Variants in MDFIC observed in about 807,000 individuals in gnomAD.
MDFIC encodes myoD family inhibitor domain-containing protein.
In MDFIC, 17 loss-of-function variants were observed where a neutral mutation model predicts 23.2. That is an observed-to-expected ratio of 0.73 (90% CI 0.50 to 1.10). MDFIC has a LOEUF of 1.10. MDFIC is among the 50% of genes least tolerant of loss of function. MDFIC has a pLI of 0.00. For synonymous variants in MDFIC, 120 were observed against 115.2 expected, an observed-to-expected ratio of 1.04 and a Z score of -0.27; for missense variants, 356 against 316.6, an observed-to-expected ratio of 1.12 and a Z score of -0.95.
At chr7:114,987,188 A>G (rs1022613433) in intron 4 of MDFIC, among the ~76,000 whole-genome samples, 8 of 152,230 alleles carry the variant, frequency 5.3e-5, no homozygotes, top group Non-Finnish European at 8.8e-5. Flanking sequence ...GGTTTCAAAC[A>G]ACTACATATT....
chr7:114,945,994 AG>A (rs1792636398), intron 3 of MDFIC, among the ~76,000 whole-genome samples: 1 of 152,196 alleles, frequency 6.6e-6, no homozygotes, highest in Admixed American at 6.5e-5. Context: ...GTATAATTGA[AG>A]CTATGCCCTG....
At chr7:114,953,193 A>G (rs889822916) in intron 3 of MDFIC, among the ~76,000 whole-genome samples, 1 of 152,196 alleles carries the variant, frequency 6.6e-6, no homozygotes, top group Non-Finnish European at 1.5e-5. Flanking sequence ...CATCTTTTAA[A>G]TAACAAGAAC....
chr7:114,945,366 T>A (rs903719603), intron 3 of MDFIC, among the ~76,000 whole-genome samples: 3 of 152,248 alleles, frequency 2.0e-5, no homozygotes, highest in African/African-American at 7.2e-5. Flanking sequence ...ACGCTGAGAA[T>A]AATTTCCAAA....
intron 4 of MDFIC, among the ~76,000 whole-genome samples, chr7:115,000,320 G>A (rs1791436180): frequency 6.6e-6 from 1 of 152,128 alleles, no homozygotes; most frequent in African/African-American, 2.4e-5. Context: ...ATCCAGATTT[G>A]TGTAAGTGCA....
At chr7:114,941,408 A>G (rs913224400) in intron 2 of MDFIC, among the ~76,000 whole-genome samples, 6 of 152,198 alleles carry the variant, frequency 3.9e-5, no homozygotes, top group African/African-American at 1.4e-4. Flanking sequence ...TTCACAGTCC[A>G]GAGAGTTGGA....
chr7:115,014,541 GGTGGGGTT>G, intron 4 of MDFIC: 1 of 1,285,532 alleles, frequency 7.8e-7, no homozygotes, highest in Non-Finnish European at 1.0e-6. Flanking sequence ...ATGGTAAGAG[GGTGGGGTT>G]GTTGTGTCTT....
chr7:114,933,238 A>G (rs1792358683), intron 2 of MDFIC, among the ~76,000 whole-genome samples: 1 of 149,656 alleles, frequency 6.7e-6, no homozygotes, highest in Non-Finnish European at 1.5e-5. Flanking sequence ...GGGGAAGATG[A>G]TAGAGTGTTC....
At position 115,007,630 on chromosome 7, in the gene MDFIC, G is replaced by GTGTATATATA. The variant is rs369718965; in HGVS notation, c.494-8057_494-8056insGTATATATAT. Among the ~76,000 whole-genome samples, 291 of 132,840 alleles carry GTGTATATATA rather than the reference G, an allele frequency of 2.2e-3. 2 individuals carry two copies. Among genetic ancestry groups the GTGTATATATA allele is most frequent in the African/African-American group, 8.7e-3 (282 of 32,454 alleles). The allele number at this position is 132,840 out of a possible 152,430, so 87.1% of individuals were successfully genotyped here. On this transcript the variant is annotated intron_variant, in intron 4 of 4. Coordinates refer to ENST00000393486, the MANE Select transcript of MDFIC (RefSeq NM_001166345.3). ...CTATCTATCTAGTGTGCGTGTGTGT[G>GTGTATATATA]TATATATATATATATATATATATAT...
intron 4 of MDFIC, among the ~76,000 whole-genome samples, chr7:115,004,526 A>G (rs1164096755): frequency 1.3e-5 from 2 of 152,268 alleles, no homozygotes. Flanking sequence ...TGTTTGTCCA[A>G]ATCACAACAG....
intron 4 of MDFIC, among the ~76,000 whole-genome samples, chr7:115,001,859 C>T (rs1275947016): frequency 1.3e-5 from 2 of 152,108 alleles, no homozygotes; most frequent in Non-Finnish European, 2.9e-5. Context: ...CCTCCTGGCC[C>T]GGCACACTGA....
Position 114,996,207 on chromosome 7 carries a change from G to A in MDFIC, c.493+16426G>A, listed in dbSNP as rs573252180. Among the ~76,000 whole-genome samples the A allele has an allele frequency of 3.9e-5, 6 of 152,242 alleles. No individual in the cohort carries two copies. In the South Asian group the frequency reaches 6.2e-4, roughly 16 times the overall value. ...ACAGGTACACAAGGTCCCAAAAAGC[G>A]AGACCTGCCATGACACCATTGCTGT... On this transcript the variant is annotated intron_variant, in intron 4 of 4. Coordinates refer to ENST00000393486, the MANE Select transcript of MDFIC (RefSeq NM_001166345.3).
chr7:114,978,771 C>T (rs981281990), intron 3 of MDFIC, among the ~76,000 whole-genome samples: 1 of 152,024 alleles, frequency 6.6e-6, no homozygotes, highest in African/African-American at 2.4e-5. Context: ...GAAGTCAGAC[C>T]TATTAAATTT....
At chr7:114,924,629 T>C (rs1792155545) in intron 2 of MDFIC, among the ~76,000 whole-genome samples, 1 of 152,198 alleles carries the variant, frequency 6.6e-6, no homozygotes, top group Non-Finnish European at 1.5e-5. Flanking sequence ...GTAGAAACTC[T>C]TGGGTTATAT....
At chr7:115,004,337 A>G (rs973171958) in intron 4 of MDFIC, among the ~76,000 whole-genome samples, 2 of 152,182 alleles carry the variant, frequency 1.3e-5, no homozygotes, top group Admixed American at 1.3e-4. Context: ...CTATACTCCT[A>G]GTAGCTCATG....
chr7:114,974,044 A>C (rs991226772), intron 3 of MDFIC, among the ~76,000 whole-genome samples: 2 of 152,166 alleles, frequency 1.3e-5, no homozygotes, highest in South Asian at 4.1e-4. Flanking sequence ...AGAAAGTGCC[A>C]GAAGCTTCTA....
At chr7:115,009,207 A>G (rs191591546) in intron 4 of MDFIC, among the ~76,000 whole-genome samples, 1 of 152,172 alleles carries the variant, frequency 6.6e-6, no homozygotes, top group East Asian at 1.9e-4. Context: ...TTTATTAGAG[A>G]TAAGATAAGA....
rs1267561441 is a variant in MDFIC, at chr7:115,019,006, C to G, written c.*3071C>G. 6.8e-6 allele frequency: 1 copy of G among 146,584 alleles called. No individual in the cohort carries two copies. The highest frequency in any genetic ancestry group is 1.5e-5 in the Non-Finnish European group (1 of 66,666). The allele number at this position is 146,584 out of a possible 1,614,324, so 9.1% of individuals were successfully genotyped here. ...TAAAAATCTATAATATGTCAAAATA[C>G]AAGTTTTTTTTTTTTACATCGTTTT... On this transcript the variant is annotated 3_prime_UTR_variant, in exon 5 of 5. Coordinates refer to ENST00000393486, the MANE Select transcript of MDFIC (RefSeq NM_001166345.3).
At chr7:114,993,280 T>C (rs1791230376) in intron 4 of MDFIC, among the ~76,000 whole-genome samples, 2 of 152,196 alleles carry the variant, frequency 1.3e-5, no homozygotes, top group African/African-American at 4.8e-5. Flanking sequence ...CTATCAATTT[T>C]GTTGATCTTT....
rs148204701 is a variant in MDFIC, at chr7:115,012,786, T to C, written c.494-2902T>C. 3.5e-3 allele frequency among the ~76,000 whole-genome samples: 525 copies of C among 152,090 alleles called. 6 individuals are homozygous for C. Among genetic ancestry groups the C allele is most frequent in the African/African-American group, 0.012 (497 of 41,462 alleles). On this transcript the variant is annotated intron_variant, in intron 4 of 4. Coordinates refer to ENST00000393486, the MANE Select transcript of MDFIC (RefSeq NM_001166345.3). ...TGAGGTCAGGAGTCCGAGACCAGCT[T>C]GTCCAACAAGGTAAAACCTCATCTC... is the stretch of plus-strand genomic sequence containing the variant.
Sources: allele counts gnomAD v4.1 joint callset (sites outside exome capture counted in the v4.1 genomes callset), GRCh38; gene constraint gnomAD v4.1.1; transcripts MANE v1.5; gene names NCBI Gene and HGNC (gene_info 2026-07-23, HGNC 2026-07-21).